The following NTNG1 variants were observed in gnomAD, a reference collection of about 807,000 sequenced individuals.
NTNG1 encodes the protein netrin-G1.
In NTNG1, 16 loss-of-function variants were observed where a neutral mutation model predicts 54.0. The ratio of observed to expected loss-of-function variants is 0.30; its 90% CI spans 0.20 to 0.45. NTNG1 has a LOEUF of 0.45. NTNG1 is among the 20% of genes least tolerant of loss of function. The pLI is 1.00. For synonymous variants in NTNG1, 255 were observed against 263.1 expected (o/e 0.97, Z 0.30); for missense variants, 530 against 678.7 (o/e 0.78, Z 2.43).
chr1:107,403,494 G>C (rs1040731604), intron 4 of NTNG1: 4 of 152,278 alleles, frequency 2.6e-5, no homozygotes, highest in African/African-American at 9.7e-5. Flanking sequence ...TGGATCACCT[G>C]AGGTCAGGAG....
At chr1:107,410,219 G>A (rs1183603282) in intron 5 of NTNG1, 1 of 152,046 alleles carries the variant, frequency 6.6e-6, no homozygotes, top group African/African-American at 2.4e-5. Flanking sequence ...GTATATTATC[G>A]ATGTAGATTA....
intron 2 of NTNG1, among the ~76,000 whole-genome samples, chr1:107,267,490 G>A (rs896774693): frequency 3.3e-5 from 5 of 152,112 alleles, no homozygotes; most frequent in African/African-American, 1.2e-4. Context: ...AGCTTGTCCC[G>A]TACCCTCATG....
chr1:107,266,912 A>G (rs2101673967), intron 2 of NTNG1, among the ~76,000 whole-genome samples: 1 of 152,270 alleles, frequency 6.6e-6, no homozygotes, highest in South Asian at 2.1e-4. Context: ...GGTCTCATGT[A>G]CAGATTTCTT....
intron 2 of NTNG1, among the ~76,000 whole-genome samples, chr1:107,186,023 G>A (rs936178294): frequency 1.3e-5 from 2 of 152,062 alleles, no homozygotes; most frequent in East Asian, 1.9e-4. Flanking sequence ...TCGCCCTCAC[G>A]CCCACCCTCC....
chr1:107,262,142 A>G (rs1570525948), intron 2 of NTNG1, among the ~76,000 whole-genome samples: 4 of 152,360 alleles, frequency 2.6e-5, no homozygotes, highest in South Asian at 4.1e-4. Context: ...TTATATATTT[A>G]CATTAAAAGT....
Position 107,372,832 on chromosome 1 carries a change from C to T in NTNG1, c.888-22322C>T, listed in dbSNP as rs373535323. 5.5e-4 allele frequency among the ~76,000 whole-genome samples: 83 copies of T among 152,098 alleles called. 1 individual carries two copies. The highest frequency in any genetic ancestry group is 1.7e-3 in the African/African-American group (71 of 41,516). ...AAAGTTCTGCTTCAGGAAGAATAAA[C>T]GATTAGAATTATTTTGTTCTTTTCA... On this transcript the variant is annotated intron_variant, in intron 3 of 7. Transcript: ENST00000370068.
At chr1:107,462,916 C>T (rs11185118) in intron 7 of NTNG1, among the ~76,000 whole-genome samples, 43,748 of 152,074 alleles carry the variant, frequency 0.29, 6,747 homozygotes, top group South Asian at 0.4. Context: ...CAACGCCCCA[C>T]AGCTAATGAG....
chr1:107,202,207 T>C (rs888588809), intron 2 of NTNG1, among the ~76,000 whole-genome samples: 3 of 151,978 alleles, frequency 2.0e-5, no homozygotes, highest in Admixed American at 6.6e-5. Flanking sequence ...ATTTAATCCA[T>C]TTATATTTAT....
At chr1:107,390,506 T>C (rs1216925276) in intron 3 of NTNG1, among the ~76,000 whole-genome samples, 2 of 152,198 alleles carry the variant, frequency 1.3e-5, no homozygotes, top group Non-Finnish European at 2.9e-5. Context: ...TAAACTGGGT[T>C]TATGATATCT....
chr1:107,384,982 T>A (rs1271901520), intron 3 of NTNG1, among the ~76,000 whole-genome samples: 2 of 152,342 alleles, frequency 1.3e-5, no homozygotes, highest in African/African-American at 4.8e-5. Context: ...AAGAATGGAA[T>A]CATAGAATGC....
chr1:107,375,661 A>G (rs1671189472), intron 3 of NTNG1, among the ~76,000 whole-genome samples: 3 of 152,186 alleles, frequency 2.0e-5, no homozygotes. Context: ...TTCTGACCCA[A>G]AAAGGGATTA....
intron 2 of NTNG1, among the ~76,000 whole-genome samples, chr1:107,304,581 G>A (rs1427475886): frequency 6.6e-6 from 1 of 152,040 alleles, no homozygotes; most frequent in Non-Finnish European, 1.5e-5. Context: ...TATTTTTCTG[G>A]ACACACATAA....
intron 3 of NTNG1, among the ~76,000 whole-genome samples, chr1:107,394,234 A>T (rs1465055544): frequency 6.6e-6 from 1 of 152,094 alleles, no homozygotes; most frequent in East Asian, 1.9e-4. Flanking sequence ...ATATGGTGTG[A>T]TACAGTTTAT....
Position 107,143,700 on chromosome 1 carries a change from G to A in NTNG1, c.-526+2560G>A, listed in dbSNP as rs7547549. Among the ~76,000 whole-genome samples, 425 of 152,142 alleles carry A rather than the reference G, an allele frequency of 2.8e-3. 3 individuals are homozygous for A. The highest frequency in any genetic ancestry group is 9.8e-3 in the African/African-American group (408 of 41,530). ...CCAAAGTTCTGTTTCAAAACTTCAGGTAGGTGTAGATTTTCTCATATATGC... is the reference window on the plus strand; with the variant it reads ...CCAAAGTTCTGTTTCAAAACTTCAGATAGGTGTAGATTTTCTCATATATGC... On this transcript the variant is annotated intron_variant, in intron 1 of 7. Coordinates refer to ENST00000370068, the MANE Select transcript of NTNG1 (RefSeq NM_001113226.3).
intron 3 of NTNG1, among the ~76,000 whole-genome samples, chr1:107,377,904 A>G (rs1671399844): frequency 6.6e-6 from 1 of 152,234 alleles, no homozygotes; most frequent in Non-Finnish European, 1.5e-5. Flanking sequence ...ACAAGAGTGG[A>G]TAGGTACTTG....
chr1:107,188,855 G>A (rs1454975969), intron 2 of NTNG1, among the ~76,000 whole-genome samples: 3 of 152,042 alleles, frequency 2.0e-5, no homozygotes, highest in African/African-American at 7.2e-5. Flanking sequence ...CAAATGTAGG[G>A]ATCAAGAGTA....
intron 2 of NTNG1, among the ~76,000 whole-genome samples, chr1:107,174,215 A>G (rs553639223): frequency 3.2e-4 from 48 of 152,218 alleles, no homozygotes; most frequent in African/African-American, 1.1e-3. Flanking sequence ...TCTGTTCTTT[A>G]TAACAATCCT....
chr1:107,154,212 T>G (rs565100846), intron 2 of NTNG1, among the ~76,000 whole-genome samples: 6 of 152,170 alleles, frequency 3.9e-5, no homozygotes, highest in African/African-American at 1.4e-4. Context: ...TGAAATATTA[T>G]TTTGCAACAT....
chr1:107,178,403 A>G (rs536696138), intron 2 of NTNG1, among the ~76,000 whole-genome samples: 60 of 150,620 alleles, frequency 4.0e-4, no homozygotes, highest in Non-Finnish European at 7.2e-4. Flanking sequence ...CTATTTGCCT[A>G]TTTTCCTTCA....
Sources: gnomAD v4.1 joint callset for allele counts (sites outside exome capture counted in the v4.1 genomes callset) on GRCh38, gnomAD v4.1.1 for gene constraint, MANE v1.5 for transcripts, NCBI Gene and HGNC (gene_info 2026-07-23, HGNC 2026-07-21) for gene names.